ZNF593OS: variants seen among roughly 807,000 people sequenced by gnomAD.
ZNF593OS encodes ZNF593 opposite strand, also known as transmembrane protein ZNF593OS.
exon 2 of ZNF593OS, chr1:26,170,984 A>G (rs2088491353): frequency 5.3e-6 from 3 of 568,884 alleles, no homozygotes; most frequent in South Asian, 2.4e-5. Flanking sequence ...CACTTGGTCT[A>G]TCTCTGCCTT....
chr1:26,170,503 T>C, exon 2 of ZNF593OS: 3 of 1,614,092 alleles, frequency 1.9e-6, no homozygotes, highest in South Asian at 1.1e-5. Context: ...AAGGAGAGGA[T>C]TGATGGATGG....
chr1:26,170,649 C>A lies in ZNF593OS; in HGVS notation c.*540G>T. The A allele has an allele frequency of 4.3e-6, 7 of 1,612,674 alleles. No homozygotes were observed. In the South Asian group the frequency reaches 7.7e-5, roughly 18 times the overall value. ...GCAGCGGGTATGGGATCCTATGTGC[C>A]CCCCAGGCGGCTGGCAGTGCCCACG... On this transcript the variant is annotated 3_prime_UTR_variant, in exon 2 of 2. Coordinates refer to ENST00000648649, the Ensembl canonical transcript of ZNF593OS.
Position 26,171,058 on chromosome 1 carries a change from G to A in ZNF593OS, c.*131C>T. ...TGGAGGCCTGATGCAGTGTGGGGTG[G>A]CGGGAGTGGGATCAGATTACTCTGT... On this transcript the variant is annotated 3_prime_UTR_variant, in exon 2 of 2. Coordinates refer to ENST00000648649, the Ensembl canonical transcript of ZNF593OS. This position sits in a 1 kb window ranked among gnomAD's most constrained non-coding sequence, Gnocchi z 5.5. 1 of 485,078 alleles carries A rather than the reference G, an allele frequency of 2.1e-6. No homozygotes were observed. The allele number at this position is 485,078 out of a possible 1,614,324, so 30.0% of individuals were successfully genotyped here. A position where few individuals can be genotyped will look rare whatever the true frequency, so the allele number is the denominator to read the frequency against.
downstream of ZNF593OS, chr1:26,170,031 C>G: frequency 6.4e-7 from 1 of 1,571,526 alleles, no homozygotes; most frequent in Non-Finnish European, 8.6e-7. Context: ...ACTCTCTAGC[C>G]CGGCAGATGA....
chr1:26,170,640 C>T (rs1314873661), exon 2 of ZNF593OS: 4 of 1,613,002 alleles, frequency 2.5e-6, no homozygotes, highest in East Asian at 4.5e-5. Context: ...GGTATGGGAT[C>T]CTATGTGCCC....
chr1:26,170,462 C>G (rs780311322), downstream of ZNF593OS: 15 of 1,614,076 alleles, frequency 9.3e-6, no homozygotes, highest in Admixed American at 1.7e-5. Context: ...CACTTCCGAT[C>G]CAAAGACCAC....
exon 2 of ZNF593OS, chr1:26,170,626 A>C: frequency 1.2e-6 from 2 of 1,613,480 alleles, no homozygotes; most frequent in Non-Finnish European, 1.7e-6. Context: ...CGGAGAGGGC[A>C]GCGGGTATGG....
downstream of ZNF593OS, chr1:26,170,479 AG>A: frequency 6.2e-7 from 1 of 1,614,102 alleles, no homozygotes; most frequent in South Asian, 1.1e-5. Flanking sequence ...CCACAAGAAA[AG>A]GTATGAAGGA....
At chr1:26,170,184 G>T, downstream of ZNF593OS, 1 of 1,572,828 alleles carries the variant, frequency 6.4e-7, no homozygotes, top group Non-Finnish European at 8.6e-7. Context: ...TGGCCTGCGC[G>T]TGAGTCCCGG....
downstream of ZNF593OS, chr1:26,169,889 G>T: frequency 7.6e-7 from 1 of 1,317,286 alleles, no homozygotes; most frequent in Non-Finnish European, 1.0e-6. Flanking sequence ...CTAGCCCCCC[G>T]GCGTGGCCTG....
rs557233429 is a variant in ZNF593OS at position 26,171,352 on chromosome 1, G to T, written c.46-17C>A. The stretch of plus-strand genomic sequence containing the variant: ...TACCTGCATCTGGAGGTGCACAGAG[G>T]GTGTGCCTCAGGGGTCAGTTGAGAC... On this transcript the variant is annotated splice_polypyrimidine_tract_variant and intron_variant, in intron 1 of 1. Coordinates refer to ENST00000648649, the Ensembl canonical transcript of ZNF593OS. This position sits in a 1 kb window ranked among gnomAD's most constrained non-coding sequence, Gnocchi z 5.5. The T allele has an allele frequency of 2.5e-6, 1 of 400,502 alleles. No homozygotes were observed. The highest frequency in any genetic ancestry group is 2.1e-5 in the African/African-American group (1 of 48,642). The allele number at this position is 400,502 out of a possible 1,614,324, so 24.8% of individuals were successfully genotyped here. A position where few individuals can be genotyped will look rare whatever the true frequency, so the allele number is the denominator to read the frequency against.
At chr1:26,170,267 G>A (rs931039583), downstream of ZNF593OS, 7 of 1,557,908 alleles carry the variant, frequency 4.5e-6, no homozygotes, top group Non-Finnish European at 4.3e-6. Context: ...CCCAGGCAGC[G>A]CAGAGTCTTC....
At chr1:26,170,852 T>A (rs531263196) in exon 2 of ZNF593OS, 13 of 1,095,594 alleles carry the variant, frequency 1.2e-5, no homozygotes, top group African/African-American at 7.9e-5. Context: ...CTGCCCCAAA[T>A]AAAGGAACTG....
chr1:26,169,866 C>T (rs1222425109), downstream of ZNF593OS: 2 of 1,144,128 alleles, frequency 1.7e-6, no homozygotes, highest in Non-Finnish European at 2.3e-6. Context: ...AGAGGCGGTC[C>T]GGCCGAGCCT....
At chr1:26,170,702 G>C in exon 2 of ZNF593OS, 1 of 1,606,932 alleles carries the variant, frequency 6.2e-7, no homozygotes, top group Non-Finnish European at 8.5e-7. Context: ...CCCTGAGATG[G>C]ATACCTCTAC....
At chr1:26,169,996 C>A, downstream of ZNF593OS, 1 of 1,549,006 alleles carries the variant, frequency 6.5e-7, no homozygotes, top group Non-Finnish European at 8.7e-7. Flanking sequence ...GGGTCGCTCC[C>A]GCCGGACAGG....
At chr1:26,169,889 G>C (rs576638225), downstream of ZNF593OS, 18 of 1,317,284 alleles carry the variant, frequency 1.4e-5, no homozygotes, top group African/African-American at 1.4e-4. Context: ...CTAGCCCCCC[G>C]GCGTGGCCTG....
rs2088498669 is a variant in ZNF593OS, at chr1:26,171,669, G to A, written c.-8C>T. On this transcript the variant is annotated 5_prime_UTR_variant, in exon 1 of 2. Transcript: ENST00000648649. The surrounding 1 kb of genome is among the most constrained non-coding windows in gnomAD (Gnocchi z 5.5). ...CAAGCGTCGAAATCGCATGGTGGGC[G>A]GCACTGGTCTCCCTGGCGGCCTGTA... 3 of 398,506 alleles carry A rather than the reference G, an allele frequency of 7.5e-6. No homozygotes were observed. Among genetic ancestry groups the A allele is most frequent in the East Asian group, 3.6e-5 (1 of 28,090 alleles). The allele number at this position is 398,506 out of a possible 1,614,324, so 24.7% of individuals were successfully genotyped here.
At chr1:26,170,331 G>A (rs913666074), downstream of ZNF593OS, 15 of 1,537,782 alleles carry the variant, frequency 9.8e-6, no homozygotes, top group Non-Finnish European at 1.3e-5. Flanking sequence ...CCGGATCCTG[G>A]CGTCAGGGAC....
Sources: gnomAD v4.1 joint callset for allele counts on GRCh38, gnomAD v4.1.1 for gene constraint, Gnocchi (gnomAD v3.1) non-coding constraint, MANE v1.5 for transcripts, NCBI Gene and HGNC (gene_info 2026-07-23, HGNC 2026-07-21) for gene names.